LAMA2: variants seen among roughly 807,000 people sequenced by gnomAD.
LAMA2 encodes the protein laminin subunit alpha 2.
A neutral mutation model predicts 364.8 loss-of-function variants in LAMA2; 269 were observed. That is an observed-to-expected ratio of 0.74 (90% CI 0.67 to 0.82). The LOEUF is 0.82. LAMA2 is among the 40% of genes least tolerant of loss of function. LAMA2 has a pLI of 0.00. For missense variants in LAMA2, 3,807 were observed against 3,873.2 expected, an observed-to-expected ratio of 0.98 and a Z score of 0.45; for synonymous variants, 1,379 against 1,370.6, an observed-to-expected ratio of 1.01 and a Z score of -0.14.
rs752656290 is a variant in LAMA2 at position 129,473,361 on chromosome 6, G to A, written c.7439+9G>A. The A allele has an allele frequency of 6.8e-6, 11 of 1,611,128 alleles. No homozygotes were observed. In the South Asian group the frequency reaches 9.9e-5, roughly 14 times the overall value. The stretch of plus-strand genomic sequence containing the variant: ...ACGCTGAGAAACTTGAGGTAATTTA[G>A]TTTATATGTAAAGCTAAGGATTAAG... On this transcript the variant is annotated intron_variant, in intron 52 of 64. Coordinates refer to ENST00000421865, the MANE Select transcript of LAMA2 (RefSeq NM_000426.4).
At chr6:129,066,037 G>GTTTTTTTTTTT (rs1789277998) in intron 3 of LAMA2, among the ~76,000 whole-genome samples, 1 of 14,964 alleles carries the variant, frequency 6.7e-5, no homozygotes, top group African/African-American at 1.4e-4. Context: ...CCCAGTCTCA[G>GTTTTTTTTTTT]GTTTTTTTTT....
rs1228546339 is a variant in LAMA2 at position 129,511,777 on chromosome 6, C to A, written c.8858-586C>A. Among the ~76,000 whole-genome samples the A allele has an allele frequency of 5.3e-5, 6 of 113,530 alleles. No homozygotes were observed. In the East Asian group the frequency reaches 1.6e-3, roughly 31 times the overall value. The allele number at this position is 113,530 out of a possible 152,430, so 74.5% of individuals were successfully genotyped here. The stretch of plus-strand genomic sequence containing the variant: ...GGAAAATCATAGAGGAAAGAATTAA[C>A]TGGATGAACAAGATAAGTCTATTTA... On this transcript the variant is annotated intron_variant, in intron 62 of 64. Coordinates refer to ENST00000421865, the MANE Select transcript of LAMA2 (RefSeq NM_000426.4).
At chr6:129,507,379 A>C in intron 61 of LAMA2, 110 bp from the exon 62 acceptor site, 1 of 1,177,208 alleles carries the variant, frequency 8.5e-7, no homozygotes, top group Non-Finnish European at 1.3e-6. Context: ...TCCCATCCTA[A>C]GACAACTGGA....
intron 1 of LAMA2, among the ~76,000 whole-genome samples, chr6:129,046,749 C>A (rs756868053): frequency 2.6e-5 from 4 of 152,104 alleles, no homozygotes; most frequent in Admixed American, 2.6e-4. Flanking sequence ...ACTCACTCAT[C>A]ATTTACATAA....
At chr6:129,394,828 T>C (rs933468726) in intron 37 of LAMA2, among the ~76,000 whole-genome samples, 6 of 152,188 alleles carry the variant, frequency 3.9e-5, no homozygotes, top group African/African-American at 1.2e-4. Context: ...AAACCAGAAG[T>C]CATCATTCTT....
At chr6:129,089,879 G>C (rs1250689309) in intron 3 of LAMA2, among the ~76,000 whole-genome samples, 1 of 152,132 alleles carries the variant, frequency 6.6e-6, no homozygotes, top group Non-Finnish European at 1.5e-5. Flanking sequence ...CTAAAATTGT[G>C]AGACCTTATG....
rs1782833649 is a variant in LAMA2, at chr6:129,454,136, T to C, written c.6574-19T>C. 2.5e-6 allele frequency: 4 copies of C among 1,609,398 alleles called. No homozygotes were observed. The highest frequency in any genetic ancestry group is 2.7e-5 in the African/African-American group (2 of 74,780). ...GCTTTATATCTGATATCTCTTGTTT[T>C]TGTATTTCTCTGAACTAGATTGACT... On this transcript the variant is annotated intron_variant, in intron 46 of 64. Coordinates refer to ENST00000421865, the MANE Select transcript of LAMA2 (RefSeq NM_000426.4).
At chr6:128,956,144 T>C (rs548137171) in intron 1 of LAMA2, among the ~76,000 whole-genome samples, 1 of 152,108 alleles carries the variant, frequency 6.6e-6, no homozygotes, top group East Asian at 1.9e-4. Flanking sequence ...AGGATGAAGA[T>C]GGCAGGTTTT....
In LAMA2 at chr6:129,514,400, G is replaced by A. The variant is rs1239495779; in HGVS notation, c.9016G>A (p.Gly3006Ser). The change falls in exon 64 of 65, where the codon GGC becomes AGC. Residue 3006 changes from glycine to serine, a missense_variant. Around this residue, in one of 3 missense-constraint regions of LAMA2, gnomAD observed 3,333 missense variants for 3,345.7 expected, o/e 1.00. Transcript: ENST00000421865. ...KLMFHVDNGAGRFTAVYDAGV... is the reference protein window; with the variant it reads ...KLMFHVDNGASRFTAVYDAGV... Reference sequence around the variant, plus strand: ...GATGTTTCATGTGGACAATGGTGCGGGCAGATTCACTGCTGTCTATGATGC... The same window carrying A: ...GATGTTTCATGTGGACAATGGTGCGAGCAGATTCACTGCTGTCTATGATGC... 5.0e-6 allele frequency: 8 copies of A among 1,613,788 alleles called. No individual in the cohort carries two copies. The Admixed American group carries it at 5.0e-5, about 10-fold the overall frequency.
chr6:129,203,114 T>C (rs757955954), intron 12 of LAMA2, among the ~76,000 whole-genome samples: 10 of 152,236 alleles, frequency 6.6e-5, no homozygotes, highest in Non-Finnish European at 1.0e-4. Flanking sequence ...AAAGAAAGAC[T>C]GGGTTGTAAG....
intron 12 of LAMA2, among the ~76,000 whole-genome samples, chr6:129,237,659 C>T (rs114611648): frequency 6.6e-6 from 1 of 151,944 alleles, no homozygotes; most frequent in African/African-American, 2.4e-5. Flanking sequence ...TCACATGCAC[C>T]CTTATAACTG....
At chr6:129,314,905 C>T in intron 24 of LAMA2, 107 bp downstream of exon 24, 4 of 1,145,570 alleles carry the variant, frequency 3.5e-6, no homozygotes, top group East Asian at 2.3e-5. Context: ...ATTTAAGTAA[C>T]CTTTTCCTCT....
Position 129,098,169 on chromosome 6 carries a change from C to G in LAMA2, c.397-4C>G. On this transcript the variant is annotated splice_polypyrimidine_tract_variant and splice_region_variant and intron_variant, in intron 3 of 64. Transcript: ENST00000421865. ...ATGTTATTGTTGTTGTTATACTTCC[C>G]TAGGTGTTCCAGATCGCGTATGTGA... is the stretch of plus-strand genomic sequence containing the variant. 6.2e-7 allele frequency: 1 copy of G among 1,613,936 alleles called. No individual in the cohort carries two copies. The highest frequency in any genetic ancestry group is 1.7e-5 in the Admixed American group (1 of 60,002).
intron 35 of LAMA2, among the ~76,000 whole-genome samples, chr6:129,391,227 T>A (rs1779299499): frequency 6.6e-6 from 1 of 151,914 alleles, no homozygotes; most frequent in African/African-American, 2.4e-5. Context: ...TACTTCTTTA[T>A]TTTAATTCTT....
chr6:128,905,805 C>T (rs1292028353), intron 1 of LAMA2, among the ~76,000 whole-genome samples: 1 of 151,316 alleles, frequency 6.6e-6, no homozygotes, highest in Non-Finnish European at 1.5e-5. Context: ...CCACAACAGT[C>T]CCCAGAGTGT....
chr6:128,886,607 C>G (rs1776161598), intron 1 of LAMA2, among the ~76,000 whole-genome samples: 1 of 152,082 alleles, frequency 6.6e-6, no homozygotes, highest in Admixed American at 6.5e-5. Context: ...TAAAATCTTT[C>G]CATCTGAACA....
intron 12 of LAMA2, among the ~76,000 whole-genome samples, chr6:129,210,003 CAAAA>C (rs374127279): frequency 0.016 from 1,082 of 67,648 alleles, 25 homozygotes; most frequent in African/African-American, 0.049. Context: ...GACTCCATCT[CAAAA>C]AAAAAAAAAA....
intron 4 of LAMA2, among the ~76,000 whole-genome samples, chr6:129,102,485 A>C (rs142952863): frequency 1.3e-5 from 2 of 151,918 alleles, no homozygotes; most frequent in Non-Finnish European, 2.9e-5. Flanking sequence ...GAAATTTTAT[A>C]TTTATAGTAA....
At chr6:129,304,336 T>C (rs1163723989) in intron 22 of LAMA2, among the ~76,000 whole-genome samples, 3 of 152,192 alleles carry the variant, frequency 2.0e-5, no homozygotes, top group Non-Finnish European at 2.9e-5. Context: ...AGATCTTGGC[T>C]CACTGCCAGC....
Sources: gnomAD v4.1 joint callset for allele counts (sites outside exome capture counted in the v4.1 genomes callset) on GRCh38, gnomAD v4.1.1 for gene constraint, gnomAD v4.1.1 regional missense constraint, MANE v1.5 for transcripts, NCBI Gene and HGNC (gene_info 2026-07-23, HGNC 2026-07-21) for gene names.